The following PGAP6 variants were observed in gnomAD, a reference collection of about 807,000 sequenced individuals.
PGAP6 encodes post-GPI attachment to proteins factor 6.
Under a neutral mutation model 68.4 loss-of-function variants are expected in PGAP6, and 62 were observed. That is an observed-to-expected ratio of 0.91 (90% confidence interval 0.74 to 1.12). The LOEUF is 1.12. Among genes scored for constraint, PGAP6 ranks in the 50% most tolerant of loss-of-function variants. The probability of loss-of-function intolerance (pLI) is 0.00; values close to 1 mark genes in which losing one functional copy is unlikely to be tolerated. For missense variants in PGAP6, 1,188 were observed against 1,068.5 expected (o/e 1.11, Z -1.56); for synonymous variants, 575 against 474.0 (o/e 1.21, Z -2.77).
Position 374,050 on chromosome 16 carries a change from C to T in PGAP6, c.1857G>A (p.Trp619Ter), listed in dbSNP as rs538237652. 2.5e-6 allele frequency: 4 copies of T among 1,611,890 alleles called. No individual in the cohort carries two copies. Among genetic ancestry groups the T allele is most frequent in the Non-Finnish European group, 1.7e-6 (2 of 1,179,936 alleles). Reference protein sequence around the residue: ...CDFLGSGAAIWVTILCMARLK... With the variant: ...CDFLGSGAAI The stretch of plus-strand genomic sequence containing the variant: ...GCCGTGCCATGCACAGGATGGTGAC[C>T]CAGATGGCCGCCCCGGAGCCCAAGA... The change falls in exon 11 of 13, where the codon TGG becomes TGA. Residue 619 changes from tryptophan (W) to a stop codon, truncating the protein, a stop_gained. Coordinates refer to ENST00000431232, the MANE Select transcript of PGAP6 (RefSeq NM_021259.3). LOFTEE classifies it high-confidence loss of function.
Position 374,235 on chromosome 16 carries a change from T to C in PGAP6, c.1741A>G (p.Met581Val). ...LVEASVYAYT[M>V]FFSTFYHACD... Reference sequence around the variant, plus strand: ...GGCCAGCCTACCGTGGAGAAGAACATGGTGTAGGCGTAGACGGAGGCCTCC... The same window carrying C: ...GGCCAGCCTACCGTGGAGAAGAACACGGTGTAGGCGTAGACGGAGGCCTCC... Residue 581 changes from methionine (M) to valine (V), a missense_variant, in exon 10 of 13, where the codon ATG (methionine) becomes GTG (valine). Physicochemically the swap from Met to Val is conservative, Grantham distance 21. Coordinates refer to ENST00000431232, the MANE Select transcript of PGAP6 (RefSeq NM_021259.3). 2.5e-6 allele frequency: 4 copies of C among 1,609,410 alleles called. 1 individual carries two copies. The highest frequency in any genetic ancestry group is 2.2e-5 in the East Asian group (1 of 44,860).
At position 375,456 on chromosome 16, in the gene PGAP6, G is replaced by A. The variant is rs76495421; in HGVS notation, c.1225-21C>T. ...TCTGTCTGGAAAGGGAGGCGGTGCC[G>A]GCTCAGCTCCAGCAGCCCCTGGCCG... is the stretch of plus-strand genomic sequence containing the variant. On this transcript the variant is annotated intron_variant, in intron 6 of 12. Coordinates refer to ENST00000431232, the MANE Select transcript of PGAP6 (RefSeq NM_021259.3). 3.4e-3 allele frequency: 5,520 copies of A among 1,608,438 alleles called. 154 individuals carry two copies. In the African/African-American group the frequency reaches 0.062, roughly 18 times the overall value.
At chr16:372,469 G>A in intron 12 of PGAP6, 142 bp downstream of exon 12, 1 of 948,546 alleles carries the variant, frequency 1.1e-6, no homozygotes, top group Non-Finnish European at 1.6e-6. Context: ...AGCCATGCTG[G>A]GCCTCTGTGG....
intron 11 of PGAP6, 63 bp from the exon 12 acceptor site, chr16:372,790 C>G (rs1353010247): frequency 1.6e-6 from 2 of 1,237,266 alleles, no homozygotes; most frequent in African/African-American, 3.0e-5. Flanking sequence ...AGCAGGAGCA[C>G]GCGTACCCCA....
chr16:377,821 G>C lies in PGAP6; in HGVS notation c.149C>G (p.Ser50Trp). Residue 50 changes from serine (S) to tryptophan (W), a missense_variant, in exon 2 of 13, where the codon TCG becomes TGG. Ser to Trp is a radical substitution (Grantham distance 177). Coordinates refer to ENST00000431232, the MANE Select transcript of PGAP6 (RefSeq NM_021259.3). ...GAAGGACAGCCTCTGCGGGGCCTGC[G>C]AGAAGTGCTCGGACACCAGCCCCAC... ...SEVGLVSEHF[S>W]QAPQRLSFYS... is the part of the protein sequence containing the mutation. 1 of 1,565,790 alleles carries C rather than the reference G, an allele frequency of 6.4e-7. No individual in the cohort carries two copies. The highest frequency in any genetic ancestry group is 8.7e-7 in the Non-Finnish European group (1 of 1,155,832).
At chr16:375,066 C>G (rs978381712) in intron 8 of PGAP6, 67 bp downstream of exon 8, 4 of 1,591,548 alleles carry the variant, frequency 2.5e-6, no homozygotes, top group Non-Finnish European at 1.7e-6. Flanking sequence ...CCTCAGGCAG[C>G]CCGGCCTGTG....
chr16:376,055 A>G, intron 6 of PGAP6, 81 bp downstream of exon 6: 6 of 1,391,884 alleles, frequency 4.3e-6, no homozygotes, highest in Non-Finnish European at 3.9e-6. Context: ...TCCCGTGCCA[A>G]GGTAAATGAG....
intron 1 of PGAP6, 49 bp from the exon 2 acceptor site, chr16:377,897 C>G: frequency 3.4e-6 from 5 of 1,484,158 alleles, no homozygotes; most frequent in Non-Finnish European, 4.5e-6. Context: ...CCTCCAGGGC[C>G]GCAGATGGGG....
Position 381,540 on chromosome 16 carries a change from A to G in PGAP6, c.121+161T>C, listed in dbSNP as rs533115013. Among the ~76,000 whole-genome samples, 186 of 151,972 alleles carry G rather than the reference A, an allele frequency of 1.2e-3. 2 individuals carry two copies. Among genetic ancestry groups the G allele is most frequent in the South Asian group, 9.9e-3 (48 of 4,826 alleles). On this transcript the variant is annotated intron_variant, in intron 1 of 12. Coordinates refer to ENST00000431232, the MANE Select transcript of PGAP6 (RefSeq NM_021259.3). ...CGTCCGCCTCGACCCCTAGGACACG[A>G]AGCGCCCCAAAGGGCCACTGTGCAC...
rs1430457055 is a variant in PGAP6 at position 374,331 on chromosome 16, G to A, written c.1645C>T (p.Leu549=). ...QTVAQQRAAT[L]LLTLSNLMFL... ...ATGAGGTTGCTGAGCGTGAGCAGCA[G>A]TGTGGCCGCCCTCTGCTGGGCCACC... The change falls in exon 10 of 13, where the codon CTG becomes TTG. Residue 549 remains leucine (L), a synonymous_variant. Coordinates refer to ENST00000431232, the MANE Select transcript of PGAP6 (RefSeq NM_021259.3). The A allele has an allele frequency of 1.2e-6, 2 of 1,604,392 alleles. No homozygotes were observed. Among genetic ancestry groups the A allele is most frequent in the East Asian group, 2.2e-5 (1 of 44,868 alleles).
chr16:375,890 CG>C (rs2054377892), intron 6 of PGAP6, among the ~76,000 whole-genome samples: 1 of 152,186 alleles, frequency 6.6e-6, no homozygotes, highest in Non-Finnish European at 1.5e-5. Context: ...CCTTCCTCCC[CG>C]GGCCCTGGGA....
intron 1 of PGAP6, among the ~76,000 whole-genome samples, chr16:381,489 G>C (rs1053995451): frequency 6.6e-6 from 1 of 152,130 alleles, no homozygotes; most frequent in Non-Finnish European, 1.5e-5. Context: ...CCCCGATCGG[G>C]GGACCGAGGA....
upstream of PGAP6, chr16:382,539 A>C: frequency 3.0e-6 from 1 of 332,510 alleles, no homozygotes; most frequent in Non-Finnish European, 5.4e-6. Flanking sequence ...TAGGGACTGT[A>C]GTACCCGATC....
intron 6 of PGAP6, 71 bp from the exon 7 acceptor site, chr16:375,506 C>T: frequency 7.6e-7 from 1 of 1,307,866 alleles, no homozygotes; most frequent in Non-Finnish European, 1.1e-6. Context: ...GCCCCACGTG[C>T]CAGCTCAGCC....
chr16:380,377 T>TC (rs2054426876), intron 1 of PGAP6, among the ~76,000 whole-genome samples: 2 of 151,872 alleles, frequency 1.3e-5, no homozygotes, highest in African/African-American at 4.8e-5. Context: ...TCTTTCTTTT[T>TC]TTTTTTTGAG....
Position 381,925 on chromosome 16 carries a change from C to G in PGAP6, c.-104G>C. ...GCCTCCGCCTCTGCCGCCTCCGCCT[C>G]TGCCCCCGGCGCCCATGGCCCGGCC... On this transcript the variant is annotated 5_prime_UTR_variant, in exon 1 of 13. Coordinates refer to ENST00000431232, the MANE Select transcript of PGAP6 (RefSeq NM_021259.3). The G allele has an allele frequency of 7.2e-6, 4 of 558,234 alleles. No individual in the cohort carries two copies. Among genetic ancestry groups the G allele is most frequent in the Non-Finnish European group, 8.9e-6 (4 of 449,602 alleles). The allele number at this position is 558,234 out of a possible 1,614,324, so 34.6% of individuals were successfully genotyped here.
chr16:385,618 A>ATTTTTTTTTTTT (rs71139779), upstream of PGAP6, among the ~76,000 whole-genome samples: 2 of 77,000 alleles, frequency 2.6e-5, no homozygotes, highest in African/African-American at 6.4e-5. Context: ...GCCTACTCTG[A>ATTTTTTTTTTTT]TTTTTTTTTT....
rs1180049891 is a variant in PGAP6 at position 371,268 on chromosome 16, A to T, written c.*719T>A. The T allele has an allele frequency of 6.6e-6, 1 of 152,410 alleles. No homozygotes were observed. 9.4% of individuals were successfully genotyped at this position (152,410 alleles called of 1,614,324 possible). On this transcript the variant is annotated 3_prime_UTR_variant, in exon 13 of 13. Transcript: ENST00000431232. ...AGAGGAAGCTCCCAGAGGGGGGCCCAGGAACGCTGGGGTGGGTGGACAGGG... is the reference window on the plus strand; with the variant it reads ...AGAGGAAGCTCCCAGAGGGGGGCCCTGGAACGCTGGGGTGGGTGGACAGGG...
Position 374,342 on chromosome 16 carries a change from C to A in PGAP6, c.1634G>T (p.Arg545Met). 1 of 1,602,748 alleles carries A rather than the reference C, an allele frequency of 6.2e-7. No homozygotes were observed. The change falls in exon 10 of 13, where the codon AGG (arginine) becomes ATG (methionine). Residue 545 changes from arginine (R) to methionine (M), a missense_variant. Coordinates refer to ENST00000431232, the MANE Select transcript of PGAP6 (RefSeq NM_021259.3). Reference sequence around the variant, plus strand: ...GAGCGTGAGCAGCAGTGTGGCCGCCCTCTGCTGGGCCACCGTCTGGGCTGT... The same window carrying A: ...GAGCGTGAGCAGCAGTGTGGCCGCCATCTGCTGGGCCACCGTCTGGGCTGT... ...NSTAQTVAQQ[R>M]AATLLLTLSN...
Sources: allele counts gnomAD v4.1 joint callset (sites outside exome capture counted in the v4.1 genomes callset), GRCh38; gene constraint gnomAD v4.1.1; transcripts MANE v1.5; gene names NCBI Gene and HGNC (gene_info 2026-07-23, HGNC 2026-07-21).